Variants in SF3B1 observed in about 807,000 individuals in gnomAD.
The protein encoded by SF3B1 is pre-mRNA processing 10.
SF3B1 carries 12 observed loss-of-function variants against 153.8 expected under a neutral mutation model. That is an observed-to-expected ratio of 0.08 (90% CI 0.05 to 0.13). SF3B1 has a LOEUF of 0.13. Among genes scored for constraint, SF3B1 ranks in the 10% least tolerant of loss-of-function variants. The pLI, the probability that SF3B1 is intolerant of heterozygous loss-of-function variation, is 1.00. For synonymous variants in SF3B1, 498 were observed against 525.2 expected (o/e 0.95, Z 0.71); for missense variants, 513 against 1,606.1 (o/e 0.32, Z 11.63).
At position 197,393,393 on chromosome 2, in the gene SF3B1, C is replaced by G. The variant is rs1224707678; in HGVS notation, c.3540-205G>C. 7.3e-6 allele frequency: 4 copies of G among 549,320 alleles called. No individual in the cohort carries two copies. In the Admixed American group the frequency reaches 1.4e-4, roughly 19 times the overall value. The allele number at this position is 549,320 out of a possible 1,614,324, so 34.0% of individuals were successfully genotyped here. A position where few individuals can be genotyped will look rare whatever the true frequency, so the allele number is the denominator to read the frequency against. On this transcript the variant is annotated intron_variant, in intron 23 of 24. Transcript: ENST00000335508. ...CTTTAGAATAGCTTCCACTTGAGGA[C>G]TTTTGCTTTAATTACTCAAGATTCA...
At position 197,390,584 on chromosome 2, in the gene SF3B1, GCTCA is replaced by G. The variant is rs1034478150; in HGVS notation, c.*1715_*1718del. ...CAAATCCAACTTGGAAACCCTTAAT[GCTCA>G]CTATCAATTTGTTGAAAGTCAATTT... On this transcript the variant is annotated 3_prime_UTR_variant, in exon 25 of 25. Transcript: ENST00000335508. 12 of 151,470 alleles carry G rather than the reference GCTCA, an allele frequency of 7.9e-5. No individual in the cohort carries two copies. The highest frequency in any genetic ancestry group is 4.2e-4 in the South Asian group (2 of 4,798). The allele number at this position is 151,470 out of a possible 1,614,324, so 9.4% of individuals were successfully genotyped here.
chr2:197,423,997 T>A, intron 1 of SF3B1, 23 bp from the exon 2 acceptor site: 1 of 1,584,962 alleles, frequency 6.3e-7, no homozygotes, highest in Middle Eastern at 1.7e-4. Context: ...AACACAGACT[T>A]TCTTAATTTC....
intron 6 of SF3B1, among the ~76,000 whole-genome samples, chr2:197,415,706 T>C (rs1345868920): frequency 6.6e-6 from 1 of 152,240 alleles, no homozygotes; most frequent in African/African-American, 2.4e-5. Context: ...TTATATCTTT[T>C]AGTCTGCAAG....
chr2:197,430,290 A>G (rs1428463177), intron 1 of SF3B1, among the ~76,000 whole-genome samples: 2 of 152,228 alleles, frequency 1.3e-5, no homozygotes, highest in African/African-American at 4.8e-5. Flanking sequence ...AGAAATACAT[A>G]CTGAAATATT....
intron 1 of SF3B1, among the ~76,000 whole-genome samples, chr2:197,429,698 C>A (rs10167950): frequency 0.016 from 2,464 of 151,784 alleles, 71 homozygotes; most frequent in African/African-American, 0.056. Context: ...GCAGAAGTAT[C>A]GCTTGAACCC....
Position 197,402,237 on chromosome 2 carries a change from T to G in SF3B1, c.2078-107A>C. 1 of 1,354,278 alleles carries G rather than the reference T, an allele frequency of 7.4e-7. No homozygotes were observed. The highest frequency in any genetic ancestry group is 1.0e-6 in the Non-Finnish European group (1 of 1,000,152). The allele number at this position is 1,354,278 out of a possible 1,614,324, so 83.9% of individuals were successfully genotyped here. On this transcript the variant is annotated intron_variant, in intron 14 of 24. Coordinates refer to ENST00000335508, the MANE Select transcript of SF3B1 (RefSeq NM_012433.4). The surrounding 1 kb of genome is among the most constrained non-coding windows in gnomAD (Gnocchi z 4.6). ...AACTATTCAGCCAAACTGCAGAATA[T>G]GTTCACATTAAACAAAATTAGGTAA...
chr2:197,417,466 G>C (rs186864776), intron 5 of SF3B1, among the ~76,000 whole-genome samples: 69 of 151,416 alleles, frequency 4.6e-4, no homozygotes, highest in African/African-American at 1.7e-3. Flanking sequence ...GGCTGGGTAC[G>C]GTGGCTCACA....
intron 12 of SF3B1, 145 bp from the exon 13 acceptor site, chr2:197,403,180 T>C: frequency 1.5e-6 from 1 of 660,448 alleles, no homozygotes; most frequent in Non-Finnish European, 2.6e-6. Flanking sequence ...ATTTTAATTA[T>C]ACAAGTTCAA....
At position 197,390,544 on chromosome 2, in the gene SF3B1, AATG is replaced by A. The variant is rs2084798901; in HGVS notation, c.*1756_*1758del. 3 of 152,158 alleles carry A rather than the reference AATG, an allele frequency of 2.0e-5. No individual in the cohort carries two copies. Among genetic ancestry groups the A allele is most frequent in the Admixed American group, 2.0e-4 (3 of 15,282 alleles). The allele number at this position is 152,158 out of a possible 1,614,324, so 9.4% of individuals were successfully genotyped here. ...ATATTCAGAAAGTTGTCATACAAGGAATGATGAGGAGTTACAAATCCAACTTGG... is the reference window on the plus strand; with the variant it reads ...ATATTCAGAAAGTTGTCATACAAGGAATGAGGAGTTACAAATCCAACTTGG... On this transcript the variant is annotated 3_prime_UTR_variant, in exon 25 of 25. Transcript: ENST00000335508.
At chr2:197,416,636 G>C in intron 6 of SF3B1, 105 bp downstream of exon 6, 1 of 929,206 alleles carries the variant, frequency 1.1e-6, no homozygotes, top group Admixed American at 2.5e-5. Context: ...GTTGTTTAAG[G>C]CACCCAGTCT....
Position 197,420,562 on chromosome 2 carries a change from A to C in SF3B1, c.301-20T>G, listed in dbSNP as rs770715295. On this transcript the variant is annotated intron_variant, in intron 3 of 24. Coordinates refer to ENST00000335508, the MANE Select transcript of SF3B1 (RefSeq NM_012433.4). ...ATCATACTGAAAAGAGGTATGTCTCACTTAATATCCACTTTATTAAAATAA... is the reference window on the plus strand; with the variant it reads ...ATCATACTGAAAAGAGGTATGTCTCCCTTAATATCCACTTTATTAAAATAA... The C allele has an allele frequency of 2.8e-6, 4 of 1,449,952 alleles. No individual in the cohort carries two copies. The highest frequency in any genetic ancestry group is 1.9e-5 in the Admixed American group (1 of 51,386). The allele number at this position is 1,449,952 out of a possible 1,614,324, so 89.8% of individuals were successfully genotyped here.
At chr2:197,421,357 A>G (rs1574549276) in intron 2 of SF3B1, among the ~76,000 whole-genome samples, 2 of 152,250 alleles carry the variant, frequency 1.3e-5, no homozygotes, top group Admixed American at 6.5e-5. Context: ...TAAGCAAGGA[A>G]TATTTTCTAT....
In SF3B1 at chr2:197,391,351, T is replaced by C. The variant is rs527330280; in HGVS notation, c.*952A>G. The C allele has an allele frequency of 1.3e-5, 2 of 152,312 alleles. No homozygotes were observed. Among genetic ancestry groups the C allele is most frequent in the South Asian group, 4.1e-4 (2 of 4,826 alleles). The allele number at this position is 152,312 out of a possible 1,614,324, so 9.4% of individuals were successfully genotyped here. A position where few individuals can be genotyped will look rare whatever the true frequency, so the allele number is the denominator to read the frequency against. ...ACAAGGTTTGTCTCCCCTTCTCCAT[T>C]ATACTGTTCTTAAAGGTAGAGGGCA... is the stretch of plus-strand genomic sequence containing the variant. On this transcript the variant is annotated 3_prime_UTR_variant, in exon 25 of 25. Transcript: ENST00000335508.
Position 197,401,926 on chromosome 2 carries a change from T to C in SF3B1, c.2224-38A>G, listed in dbSNP as rs2084940558. Reference sequence around the variant, plus strand: ...AAAAAATATATGTACTTTAGTAATTTAGATTTATGTCGCCTTAACTTTAAT... The same window carrying C: ...AAAAAATATATGTACTTTAGTAATTCAGATTTATGTCGCCTTAACTTTAAT... On this transcript the variant is annotated intron_variant, in intron 15 of 24. Coordinates refer to ENST00000335508, the MANE Select transcript of SF3B1 (RefSeq NM_012433.4). This position sits in a 1 kb window ranked among gnomAD's most constrained non-coding sequence, Gnocchi z 4.2. The C allele has an allele frequency of 2.5e-6, 4 of 1,589,740 alleles. No individual in the cohort carries two copies. The highest frequency in any genetic ancestry group is 1.4e-5 in the African/African-American group (1 of 73,324).
intron 23 of SF3B1, among the ~76,000 whole-genome samples, chr2:197,394,491 T>C (rs1391934876): frequency 6.6e-6 from 1 of 152,260 alleles, no homozygotes; most frequent in Non-Finnish European, 1.5e-5. Context: ...CAGAAATAAC[T>C]ATCATCTCCT....
intron 6 of SF3B1, among the ~76,000 whole-genome samples, chr2:197,410,994 G>A (rs1195105153): frequency 6.6e-6 from 1 of 152,164 alleles, no homozygotes; most frequent in African/African-American, 2.4e-5. Flanking sequence ...GTTGAGTGCA[G>A]TGGCACAATC....
At chr2:197,393,414 A>C (rs2105975124) in intron 23 of SF3B1, 1 of 535,498 alleles carries the variant, frequency 1.9e-6, no homozygotes, top group Middle Eastern at 5.0e-4. Flanking sequence ...ATTACTCAAG[A>C]TTCACTATGG....
At chr2:197,407,875 G>A in intron 9 of SF3B1, 123 bp downstream of exon 9, 1 of 764,370 alleles carries the variant, frequency 1.3e-6, no homozygotes, top group Non-Finnish European at 2.1e-6. Context: ...CCTGGAAATA[G>A]CTAAGAGAAT....
At chr2:197,394,399 C>T (rs2084851722) in intron 23 of SF3B1, among the ~76,000 whole-genome samples, 1 of 152,094 alleles carries the variant, frequency 6.6e-6, no homozygotes, top group Admixed American at 6.5e-5. Context: ...AAGTTAAATT[C>T]CCTTCTCACG....
Sources: allele counts gnomAD v4.1 joint callset (sites outside exome capture counted in the v4.1 genomes callset), GRCh38; gene constraint gnomAD v4.1.1; non-coding constraint Gnocchi (gnomAD v3.1); transcripts MANE v1.5; gene names NCBI Gene and HGNC (gene_info 2026-07-23, HGNC 2026-07-21).